The following EML6 variants were observed in gnomAD, a reference collection of about 807,000 sequenced individuals.
The protein encoded by EML6 is EMAP like 6.
EML6 carries 154 observed loss-of-function variants against 240.1 expected under a neutral mutation model. That is an observed-to-expected ratio of 0.64 (90% CI 0.56 to 0.73). EML6 has a LOEUF of 0.73. Among genes scored for constraint, EML6 ranks in the 30% least tolerant of loss-of-function variants. The pLI is 0.00. For synonymous variants in EML6, 1,148 were observed against 899.0 expected, an observed-to-expected ratio of 1.28 and a Z score of -4.95; for missense variants, 2,964 against 2,474.6, an observed-to-expected ratio of 1.20 and a Z score of -4.20.
chr2:54,795,205 TCA>T (rs1028848043), intron 2 of EML6, among the ~76,000 whole-genome samples: 23 of 152,160 alleles, frequency 1.5e-4, no homozygotes, highest in African/African-American at 5.1e-4. Context: ...TTTAATTGAC[TCA>T]CACTTCAGCA....
intron 28 of EML6, among the ~76,000 whole-genome samples, chr2:54,946,759 G>A (rs989806732): frequency 1.3e-5 from 2 of 152,166 alleles, no homozygotes. Context: ...CCACAACCGC[G>A]AAGGGTCAAT....
At chr2:54,819,595 G>A (rs559272982) in intron 4 of EML6, among the ~76,000 whole-genome samples, 3 of 152,032 alleles carry the variant, frequency 2.0e-5, no homozygotes, top group Non-Finnish European at 4.4e-5. Context: ...GACCAACATG[G>A]TGAAACCCCG....
At chr2:54,793,300 C>A (rs1669561333) in intron 2 of EML6, among the ~76,000 whole-genome samples, 4 of 150,020 alleles carry the variant, frequency 2.7e-5, no homozygotes, top group Non-Finnish European at 1.5e-5. Flanking sequence ...GTTTGCAGGG[C>A]AGTAGAGGGG....
At chr2:54,964,430 A>G (rs1676659787) in intron 37 of EML6, 141 bp from the exon 38 acceptor site, 1 of 780,770 alleles carries the variant, frequency 1.3e-6, no homozygotes, top group Non-Finnish European at 2.0e-6. Flanking sequence ...GTAGAATGCC[A>G]GGAGAGGCTG....
At chr2:54,825,705 A>T (rs148156027) in intron 5 of EML6, among the ~76,000 whole-genome samples, 1 of 152,090 alleles carries the variant, frequency 6.6e-6, no homozygotes, top group Non-Finnish European at 1.5e-5. Flanking sequence ...TTGCCAAGGC[A>T]TCCCTCTATT....
intron 16 of EML6, among the ~76,000 whole-genome samples, chr2:54,877,756 G>T (rs539045706): frequency 1.3e-5 from 2 of 152,314 alleles, no homozygotes; most frequent in South Asian, 4.1e-4. Context: ...AAGTGTTAAC[G>T]TCTTCATCTA....
At chr2:54,847,239 A>G (rs774304614) in intron 8 of EML6, among the ~76,000 whole-genome samples, 3 of 152,136 alleles carry the variant, frequency 2.0e-5, no homozygotes, top group Admixed American at 6.5e-5. Context: ...GTGAATCTCA[A>G]AATCTTTGGA....
At position 54,863,876 on chromosome 2, in the gene EML6, A is replaced by G. The variant is rs369009054; in HGVS notation, c.1919A>G (p.Asn640Ser). 5.1e-5 allele frequency: 78 copies of G among 1,539,540 alleles called. 3 individuals are homozygous for G. In the African/African-American group the frequency reaches 5.9e-4, roughly 12 times the overall value. Reference sequence around the variant, plus strand: ...GATATTGAGCAAGAAGCTCAAATCAATTATGATCGCCAGGTCGGTAAGCAG... The same window carrying G: ...GATATTGAGCAAGAAGCTCAAATCAGTTATGATCGCCAGGTCGGTAAGCAG... ...DSDIEQEAQINYDRQVYKEDL... is the reference protein window; with the variant it reads ...DSDIEQEAQISYDRQVYKEDL... Residue 640 changes from asparagine (N) to serine (S), a missense_variant, in exon 13 of 42, where the codon AAT becomes AGT. By Grantham distance (46) the Asn-to-Ser change is conservative. Coordinates refer to ENST00000356458, the MANE Select transcript of EML6 (RefSeq NM_001039753.4).
chr2:54,937,304 G>T (rs1402871887), intron 28 of EML6, among the ~76,000 whole-genome samples: 1 of 151,190 alleles, frequency 6.6e-6, no homozygotes, highest in Non-Finnish European at 1.5e-5. Context: ...GAAGTCTTAG[G>T]CTAAGCATGG....
intron 37 of EML6, 69 bp from the exon 38 acceptor site, chr2:54,964,502 C>A (rs1676663278): frequency 3.5e-6 from 5 of 1,443,382 alleles, no homozygotes; most frequent in African/African-American, 1.4e-5. Flanking sequence ...TGTCACAGAC[C>A]AGCCTTCGTG....
chr2:54,753,016 G>A (rs1002608056), intron 2 of EML6, among the ~76,000 whole-genome samples: 3 of 152,078 alleles, frequency 2.0e-5, no homozygotes, highest in African/African-American at 7.2e-5. Flanking sequence ...CTCGAACTCC[G>A]TGAGTCACGG....
intron 2 of EML6, among the ~76,000 whole-genome samples, chr2:54,806,506 G>A (rs538407807): frequency 3.3e-5 from 5 of 150,208 alleles, no homozygotes; most frequent in African/African-American, 9.8e-5. Context: ...CCAACTACTC[G>A]GGATGCTGAG....
chr2:54,793,647 A>T (rs67742514), intron 2 of EML6, among the ~76,000 whole-genome samples: 1 of 151,972 alleles, frequency 6.6e-6, no homozygotes, highest in Non-Finnish European at 1.5e-5. Flanking sequence ...ACAGTACCCC[A>T]GTTCTTTTCA....
chr2:54,755,923 A>G (rs560974311), intron 2 of EML6, among the ~76,000 whole-genome samples: 39 of 152,134 alleles, frequency 2.6e-4, no homozygotes, highest in African/African-American at 9.4e-4. Flanking sequence ...TGCTTGGCTA[A>G]GAAAGCTCTT....
At chr2:54,734,191 A>G (rs1683290628) in intron 2 of EML6, among the ~76,000 whole-genome samples, 1 of 152,170 alleles carries the variant, frequency 6.6e-6, no homozygotes, top group Admixed American at 6.5e-5. Context: ...TACAAAAATT[A>G]GCCGGGCATG....
At chr2:54,759,250 G>A (rs746773342) in intron 2 of EML6, among the ~76,000 whole-genome samples, 2 of 149,750 alleles carry the variant, frequency 1.3e-5, no homozygotes, top group Non-Finnish European at 3.0e-5. Context: ...CTGATAATTA[G>A]GCCCACAGTT....
intron 17 of EML6, among the ~76,000 whole-genome samples, chr2:54,889,407 T>G (rs1318358765): frequency 6.6e-6 from 1 of 151,842 alleles, no homozygotes; most frequent in African/African-American, 2.4e-5. Context: ...ATCTTTAGGA[T>G]TGAGTTTTCC....
chr2:54,755,604 C>T (rs1440737724), intron 2 of EML6, among the ~76,000 whole-genome samples: 1 of 152,094 alleles, frequency 6.6e-6, no homozygotes, highest in Non-Finnish European at 1.5e-5. Flanking sequence ...GATGCTATTG[C>T]AGATGGTATA....
At chr2:54,802,577 C>G (rs1670213379) in intron 2 of EML6, among the ~76,000 whole-genome samples, 1 of 151,668 alleles carries the variant, frequency 6.6e-6, no homozygotes, top group Non-Finnish European at 1.5e-5. Flanking sequence ...GTCATCATGC[C>G]ACTGCACTTC....
Sources: allele counts gnomAD v4.1 joint callset (sites outside exome capture counted in the v4.1 genomes callset), GRCh38; gene constraint gnomAD v4.1.1; transcripts MANE v1.5; gene names NCBI Gene and HGNC (gene_info 2026-07-23, HGNC 2026-07-21).